Variants in UGT1A5 observed in about 807,000 individuals in gnomAD.
UGT1A5 encodes UDP-glucuronosyltransferase 1A5.
UGT1A5 carries 29 observed loss-of-function variants against 40.3 expected under a neutral mutation model. The observed-to-expected ratio is 0.72, with a 90% CI of 0.54 to 0.98. UGT1A5 has a LOEUF of 0.98. Among genes scored for constraint, UGT1A5 ranks in the 50% least tolerant of loss-of-function variants. UGT1A5 has a pLI of 0.00. For synonymous variants in UGT1A5, 257 were observed against 262.5 expected (o/e 0.98, Z 0.20); for missense variants, 678 against 677.9 (o/e 1.00, Z 0.00).
chr2:233,757,077 A>G (rs1321535856), intron 1 of UGT1A5, among the ~76,000 whole-genome samples: 2 of 151,308 alleles, frequency 1.3e-5, no homozygotes, highest in Non-Finnish European at 2.9e-5. Context: ...CAGAATGGCT[A>G]GAGGGTAAGA....
chr2:233,724,954 C>G lies in UGT1A5; in HGVS notation c.867+11096C>G, dbSNP rs544768388. ...GACTCCGTCTGCAATCCCGGCACCT[C>G]GGGAGGCCGAGGTTGGCGGATCACT... On this transcript the variant is annotated intron_variant, in intron 1 of 4. Coordinates refer to ENST00000373414, the MANE Select transcript of UGT1A5 (RefSeq NM_019078.2). 1.4e-5 allele frequency among the ~76,000 whole-genome samples: 2 copies of G among 143,932 alleles called. 1 individual carries two copies. Among genetic ancestry groups the G allele is most frequent in the East Asian group, 4.2e-4 (2 of 4,760 alleles). 94.4% of individuals were successfully genotyped at this position (143,932 alleles called of 152,430 possible).
chr2:233,732,557 T>C (rs1353780891), intron 1 of UGT1A5, among the ~76,000 whole-genome samples: 4 of 152,228 alleles, frequency 2.6e-5, no homozygotes, highest in Non-Finnish European at 5.9e-5. Flanking sequence ...ATTTATTAAA[T>C]AAGGAATCCT....
At chr2:233,762,959 A>G (rs910713716) in intron 1 of UGT1A5, among the ~76,000 whole-genome samples, 4 of 152,252 alleles carry the variant, frequency 2.6e-5, no homozygotes, top group African/African-American at 9.6e-5. Flanking sequence ...GCAATAGGAA[A>G]GATGCCCGTC....
chr2:233,763,369 C>A (rs1698291426), intron 1 of UGT1A5, among the ~76,000 whole-genome samples: 1 of 152,194 alleles, frequency 6.6e-6, no homozygotes. Flanking sequence ...CCTTTGTCTT[C>A]AAGCTTTCTT....
At chr2:233,719,235 AG>A in intron 1 of UGT1A5, 1 of 1,614,202 alleles carries the variant, frequency 6.2e-7, no homozygotes, top group Non-Finnish European at 8.5e-7. Flanking sequence ...GGCCCTGATC[AG>A]GCACCTGAAT....
intron 1 of UGT1A5, among the ~76,000 whole-genome samples, chr2:233,762,105 C>G (rs879435361): frequency 5.9e-5 from 9 of 151,972 alleles, no homozygotes; most frequent in African/African-American, 2.2e-4. Context: ...GTTGATTGTC[C>G]GCTTCACATC....
chr2:233,751,728 CCTCT>C (rs1694798514), intron 1 of UGT1A5, among the ~76,000 whole-genome samples: 2 of 152,164 alleles, frequency 1.3e-5, no homozygotes, highest in South Asian at 2.1e-4. Flanking sequence ...GTGAACTCTT[CCTCT>C]CTGTTTCTCT....
At chr2:233,760,808 C>T in intron 1 of UGT1A5, 3 of 1,613,442 alleles carry the variant, frequency 1.9e-6, no homozygotes, top group Non-Finnish European at 2.5e-6. Flanking sequence ...TTCTTGCATG[C>T]ACTGCCATGC....
intron 2 of UGT1A5, among the ~76,000 whole-genome samples, chr2:233,767,578 TTCCCTTAAAGTGC>T (rs1361254822): frequency 6.6e-6 from 1 of 152,218 alleles, no homozygotes; most frequent in African/African-American, 2.4e-5. Context: ...TAAGCAAACT[TTCCCTTAAAGTGC>T]AGGAAAGTGA....
In UGT1A5 at chr2:233,734,493, T is replaced by C. The variant is rs572149400; in HGVS notation, c.867+20635T>C. On this transcript the variant is annotated intron_variant, in intron 1 of 4. Coordinates refer to ENST00000373414, the MANE Select transcript of UGT1A5 (RefSeq NM_019078.2). ...TGGATTCATTGATTTTTTTGAAGGT[T>C]TTTTTGTGTCTCTATCTCTTTCAGT... Among the ~76,000 whole-genome samples the C allele has an allele frequency of 7.2e-5, 11 of 152,330 alleles. 1 individual carries two copies. In the South Asian group the frequency reaches 1.2e-3, roughly 17 times the overall value.
At chr2:233,772,103 ACT>A (rs758185020) in intron 4 of UGT1A5, among the ~76,000 whole-genome samples, 157 bp from the exon 5 acceptor site, 84 of 152,280 alleles carry the variant, frequency 5.5e-4, no homozygotes, top group Admixed American at 1.4e-3. Flanking sequence ...ACAGGGCAAG[ACT>A]CTGTATCTAA....
chr2:233,772,292 C>A lies in UGT1A5; in HGVS notation c.1338C>A (p.Ser446Arg), dbSNP rs778015980. 2 of 1,614,246 alleles carry A rather than the reference C, an allele frequency of 1.2e-6. No homozygotes were observed. Among genetic ancestry groups the A allele is most frequent in the Admixed American group, 3.3e-5 (2 of 60,030 alleles). Residue 446 changes from serine (S) to arginine (R), a missense_variant, in exon 5 of 5, where the codon AGC becomes AGA. By Grantham distance (110) the Ser-to-Arg change is moderately radical (BLOSUM62 -1). Coordinates refer to ENST00000373414, the MANE Select transcript of UGT1A5 (RefSeq NM_019078.2). ...SYKENIMRLSSLHKDRPVEPL... is the reference protein window; with the variant it reads ...SYKENIMRLSRLHKDRPVEPL... ...AGGAGAACATCATGCGCCTCTCCAG[C>A]CTTCACAAGGACCGCCCGGTGGAGC... is the stretch of plus-strand genomic sequence containing the variant.
At position 233,742,072 on chromosome 2, in the gene UGT1A5, G is replaced by A. The variant is rs147639323; in HGVS notation, c.868-24962G>A. The A allele has an allele frequency of 2.6e-5, 4 of 151,962 alleles. 1 individual carries two copies. Among genetic ancestry groups the A allele is most frequent in the African/African-American group, 9.7e-5 (4 of 41,216 alleles). The allele number at this position is 151,962 out of a possible 1,614,324, so 9.4% of individuals were successfully genotyped here. ...GGATAGTTCTGTGTGGCCTTATGGA[G>A]ATCCTTTTTTTACATTTCCAGGACC... On this transcript the variant is annotated intron_variant, in intron 1 of 4. Coordinates refer to ENST00000373414, the MANE Select transcript of UGT1A5 (RefSeq NM_019078.2).
rs141853649 is a variant in UGT1A5 at position 233,739,471 on chromosome 2, G to A, written c.867+25613G>A. ...CACAGGGTTGGAGCTGCCTGAGACCGTGGGAGCCCATTTCTGGCATCACCT... is the reference window on the plus strand; with the variant it reads ...CACAGGGTTGGAGCTGCCTGAGACCATGGGAGCCCATTTCTGGCATCACCT... On this transcript the variant is annotated intron_variant, in intron 1 of 4. Transcript: ENST00000373414. Among the ~76,000 whole-genome samples the A allele has an allele frequency of 2.4e-3, 366 of 152,340 alleles. 1 individual carries two copies. Among genetic ancestry groups the A allele is most frequent in the African/African-American group, 7.9e-3 (330 of 41,576 alleles).
At chr2:233,768,043 A>G in intron 3 of UGT1A5, 107 bp downstream of exon 3, 1 of 1,608,218 alleles carries the variant, frequency 6.2e-7, no homozygotes, top group Non-Finnish European at 8.5e-7. Flanking sequence ...ATTATGGCCA[A>G]CATATCCTAC....
At chr2:233,767,478 T>C (rs1699401505) in intron 2 of UGT1A5, among the ~76,000 whole-genome samples, 1 of 152,246 alleles carries the variant, frequency 6.6e-6, no homozygotes, top group Admixed American at 6.5e-5. Flanking sequence ...TCATATTAAA[T>C]AGAAGTATTT....
At chr2:233,743,391 G>C in intron 1 of UGT1A5, 1 of 1,255,182 alleles carries the variant, frequency 8.0e-7, no homozygotes, top group Non-Finnish European at 1.1e-6. Context: ...AGGACATGCA[G>C]AAGGAAGAAA....
At chr2:233,736,010 G>A (rs1165111643) in intron 1 of UGT1A5, among the ~76,000 whole-genome samples, 2 of 152,178 alleles carry the variant, frequency 1.3e-5, no homozygotes, top group East Asian at 1.9e-4. Flanking sequence ...TTCTCGAGGA[G>A]TATCTTTGTG....
At position 233,769,446 on chromosome 2, in the gene UGT1A5, C is replaced by T. The variant is rs1239046634; in HGVS notation, c.1307+1007C>T. 4 of 1,588,334 alleles carry T rather than the reference C, an allele frequency of 2.5e-6. No homozygotes were observed. The highest frequency in any genetic ancestry group is 3.4e-6 in the Non-Finnish European group (4 of 1,161,110). On this transcript the variant is annotated intron_variant, in intron 4 of 4. Coordinates refer to ENST00000373414, the MANE Select transcript of UGT1A5 (RefSeq NM_019078.2). This position sits in a 1 kb window ranked among gnomAD's most constrained non-coding sequence, Gnocchi z 4.4. ...GTGGCTGTGCTCATGTGTGGGTGCA[C>T]ACGTGTGCATTCATATGCGTGTGTG...
Sources: allele counts gnomAD v4.1 joint callset (sites outside exome capture counted in the v4.1 genomes callset), GRCh38; gene constraint gnomAD v4.1.1; non-coding constraint Gnocchi (gnomAD v3.1); transcripts MANE v1.5; gene names NCBI Gene and HGNC (gene_info 2026-07-23, HGNC 2026-07-21).